PRKCZ: variants seen among roughly 807,000 people sequenced by gnomAD.
The protein encoded by PRKCZ is protein kinase C zeta type.
Under a neutral mutation model 79.5 loss-of-function variants are expected in PRKCZ, and 33 were observed. That is an observed-to-expected ratio of 0.41 (90% confidence interval 0.31 to 0.55). The LOEUF is 0.55. Ranked by LOEUF, PRKCZ falls within the 20% of genes least tolerant of loss-of-function variation. The pLI, the probability that PRKCZ is intolerant of heterozygous loss-of-function variation, is 0.19. For synonymous variants in PRKCZ, 342 were observed against 320.9 expected (o/e 1.07, Z -0.70); for missense variants, 578 against 813.5 (o/e 0.71, Z 3.52).
chr1:2,063,352 G>A (rs1225363665), intron 4 of PRKCZ, among the ~76,000 whole-genome samples: 1 of 152,162 alleles, frequency 6.6e-6, no homozygotes, highest in African/African-American at 2.4e-5. Flanking sequence ...TCGCTCTGTC[G>A]CTTAGGCTGG....
rs538951901 is a variant in PRKCZ, at chr1:2,125,868, C to T, written c.335-9394C>T. Among the ~76,000 whole-genome samples, 2 of 152,314 alleles carry T rather than the reference C, an allele frequency of 1.3e-5. No homozygotes were observed. Among genetic ancestry groups the T allele is most frequent in the East Asian group, 1.9e-4 (1 of 5,188 alleles). ...GATTTGCGCCCTGGAAGGAGCCGCC[C>T]GGCTGCCTCTCGCCAACATGCAGCA... On this transcript the variant is annotated intron_variant, in intron 4 of 17. Transcript: ENST00000378567. The surrounding 1 kb of genome is among the most constrained non-coding windows in gnomAD (Gnocchi z 4.2).
intron 4 of PRKCZ, among the ~76,000 whole-genome samples, chr1:2,134,375 G>A (rs1675724125): frequency 6.6e-6 from 1 of 152,178 alleles, no homozygotes; most frequent in South Asian, 2.1e-4. Context: ...GTTCATGAAA[G>A]TCGCTTTTAT....
At chr1:2,098,751 G>A (rs1666963330) in intron 4 of PRKCZ, among the ~76,000 whole-genome samples, 2 of 151,992 alleles carry the variant, frequency 1.3e-5, no homozygotes, top group African/African-American at 2.4e-5. Flanking sequence ...GCGTGATCTC[G>A]GCTCACTGCG....
chr1:2,083,971 C>T (rs540798933), intron 4 of PRKCZ, among the ~76,000 whole-genome samples: 13 of 152,338 alleles, frequency 8.5e-5, no homozygotes, highest in African/African-American at 2.4e-4. Flanking sequence ...GTGGCTCACG[C>T]CTGTAGTCCC....
chr1:2,110,534 T>G (rs1478725295), intron 4 of PRKCZ, among the ~76,000 whole-genome samples: 1 of 152,136 alleles, frequency 6.6e-6, no homozygotes, highest in African/African-American at 2.4e-5. Context: ...TTGAGTCCAC[T>G]GGGCCCGAAG....
Position 2,174,105 on chromosome 1 carries a change from G to C in PRKCZ, c.1405+89G>C. On this transcript the variant is annotated intron_variant, in intron 14 of 17. Transcript: ENST00000378567. The surrounding 1 kb of genome is among the most constrained non-coding windows in gnomAD (Gnocchi z 6.2). ...GTGCAGGTGGAGGGGTCCCGCGGGT[G>C]CCTGGAGCGGCAGTGCCATGCAAAG... 6.9e-7 allele frequency: 1 copy of C among 1,446,768 alleles called. No homozygotes were observed. The allele number at this position is 1,446,768 out of a possible 1,614,324, so 89.6% of individuals were successfully genotyped here.
intron 4 of PRKCZ, among the ~76,000 whole-genome samples, chr1:2,116,909 A>G (rs555697336): frequency 2.4e-4 from 37 of 152,218 alleles, no homozygotes; most frequent in African/African-American, 8.2e-4. Flanking sequence ...GAGGTTTCCA[A>G]TCCGTGAACA....
rs185336888 is a variant in PRKCZ, at chr1:2,109,844, C to T, written c.335-25418C>T. On this transcript the variant is annotated intron_variant, in intron 4 of 17. Transcript: ENST00000378567. Reference sequence around the variant, plus strand: ...GGTGGTGGGAGCCGCCGGGGAAAGCCGTCATCCTGGAGCCGGGCGAGAGAG... The same window carrying T: ...GGTGGTGGGAGCCGCCGGGGAAAGCTGTCATCCTGGAGCCGGGCGAGAGAG... Among the ~76,000 whole-genome samples, 946 of 152,264 alleles carry T rather than the reference C, an allele frequency of 6.2e-3. 9 individuals carry two copies. Among genetic ancestry groups the T allele is most frequent in the Non-Finnish European group, 7.8e-3 (529 of 68,012 alleles).
intron 10 of PRKCZ, among the ~76,000 whole-genome samples, chr1:2,157,606 G>C (rs1268173157): frequency 6.6e-6 from 1 of 151,386 alleles, no homozygotes; most frequent in Non-Finnish European, 1.5e-5. Flanking sequence ...TTAGTACTCT[G>C]TGTTGGCCAG....
chr1:2,148,764 C>A, intron 7 of PRKCZ, 108 bp from the exon 8 acceptor site: 2 of 1,100,648 alleles, frequency 1.8e-6, no homozygotes, highest in Non-Finnish European at 1.3e-6. Context: ...TGTGTGGATT[C>A]ACCCTTCACC....
chr1:2,132,689 GCC>G (rs751921605), intron 4 of PRKCZ, among the ~76,000 whole-genome samples: 5 of 152,218 alleles, frequency 3.3e-5, no homozygotes, highest in Non-Finnish European at 5.9e-5. Flanking sequence ...CTAGCCACGG[GCC>G]CTTTGTCTCT....
At chr1:2,069,168 C>T (rs969701744) in intron 4 of PRKCZ, among the ~76,000 whole-genome samples, 3 of 152,232 alleles carry the variant, frequency 2.0e-5, no homozygotes, top group Non-Finnish European at 4.4e-5. Flanking sequence ...CCGTCAGCCC[C>T]GCCCGGGAGA....
rs769695307 is a variant in PRKCZ at position 2,173,657 on chromosome 1, G to A, written c.1286-240G>A. On this transcript the variant is annotated intron_variant, in intron 13 of 17. Transcript: ENST00000378567. This position sits in a 1 kb window ranked among gnomAD's most constrained non-coding sequence, Gnocchi z 5.7. ...TGGTCACAGGTGCCCTGGCAGGACC[G>A]ACAGCCCAGAGGCAGCCTGGGAGAC... 6.6e-5 allele frequency among the ~76,000 whole-genome samples: 10 copies of A among 152,324 alleles called. No individual in the cohort carries two copies. The East Asian group carries it at 1.9e-3, about 29-fold the overall frequency.
Position 2,174,028 on chromosome 1 carries a change from G to C in PRKCZ, c.1405+12G>C, listed in dbSNP as rs763184689. On this transcript the variant is annotated intron_variant, in intron 14 of 17. Coordinates refer to ENST00000378567, the MANE Select transcript of PRKCZ (RefSeq NM_002744.6). The surrounding 1 kb of genome is among the most constrained non-coding windows in gnomAD (Gnocchi z 6.2). ...CTACCTTTTCCAAGGTGCGTGCCCC[G>C]CTGTGCGTTCGTACCCCTCACCTGC... The C allele has an allele frequency of 6.3e-7, 1 of 1,591,880 alleles. No homozygotes were observed. The highest frequency in any genetic ancestry group is 2.3e-5 in the East Asian group (1 of 43,956).
chr1:2,148,004 C>G (rs1679014179), intron 7 of PRKCZ, among the ~76,000 whole-genome samples: 1 of 151,124 alleles, frequency 6.6e-6, no homozygotes, highest in Non-Finnish European at 1.5e-5. Flanking sequence ...CTCCATCTAT[C>G]CATCCATCTA....
intron 4 of PRKCZ, among the ~76,000 whole-genome samples, chr1:2,077,163 C>T (rs776578631): frequency 5.9e-5 from 9 of 152,300 alleles, no homozygotes; most frequent in African/African-American, 1.9e-4. Flanking sequence ...GCTGGGGCTT[C>T]GTTTCGTCCA....
intron 4 of PRKCZ, among the ~76,000 whole-genome samples, chr1:2,078,332 A>G (rs1029855982): frequency 1.3e-5 from 2 of 152,192 alleles, no homozygotes; most frequent in Non-Finnish European, 2.9e-5. Flanking sequence ...ACACTTAAGG[A>G]TAGTTTAGCT....
chr1:2,072,675 T>C (rs1661707715), intron 4 of PRKCZ, among the ~76,000 whole-genome samples: 1 of 151,956 alleles, frequency 6.6e-6, no homozygotes, highest in African/African-American at 2.4e-5. Context: ...ATTTGAAAGG[T>C]TCGCTGTGGG....
intron 1 of PRKCZ, chr1:2,050,976 C>T (rs913895443): frequency 2.3e-5 from 8 of 347,028 alleles, no homozygotes; most frequent in South Asian, 1.5e-4. Context: ...GACGTTTTCG[C>T]TGGAAAGTTG....
Sources: allele counts gnomAD v4.1 joint callset (sites outside exome capture counted in the v4.1 genomes callset), GRCh38; gene constraint gnomAD v4.1.1; non-coding constraint Gnocchi (gnomAD v3.1); transcripts MANE v1.5; gene names NCBI Gene and HGNC (gene_info 2026-07-23, HGNC 2026-07-21).